IMMP2L: variants seen among roughly 807,000 people sequenced by gnomAD.
The protein encoded by IMMP2L is mitochondrial inner membrane protease subunit 2.
A neutral mutation model predicts 19.3 loss-of-function variants in IMMP2L; 18 were observed. That is an observed-to-expected ratio of 0.93 (90% CI 0.64 to 1.38). The LOEUF (loss-of-function observed/expected upper bound fraction) is 1.38. IMMP2L is among the 40% of genes most tolerant of loss of function. The pLI, the probability that IMMP2L is intolerant of heterozygous loss-of-function variation, is 0.00. For synonymous variants in IMMP2L, 76 were observed against 73.0 expected, an observed-to-expected ratio of 1.04 and a Z score of -0.21; for missense variants, 233 against 218.2, an observed-to-expected ratio of 1.07 and a Z score of -0.43.
At chr7:110,950,860 A>ATATATG (rs1554470806) in intron 4 of IMMP2L, among the ~76,000 whole-genome samples, 7 of 138,810 alleles carry the variant, frequency 5.0e-5, no homozygotes, top group East Asian at 4.0e-4. Context: ...ATATATATAT[A>ATATATG]TATATATATA....
chr7:110,958,546 G>A (rs1457987085), intron 4 of IMMP2L, among the ~76,000 whole-genome samples: 1 of 152,050 alleles, frequency 6.6e-6, no homozygotes, highest in Non-Finnish European at 1.5e-5. Flanking sequence ...GCTGAGCAAA[G>A]TGACTGCTAA....
rs1402927502 is a variant in IMMP2L, at chr7:110,924,963, A to G, written c.306-38268T>C. On this transcript the variant is annotated intron_variant, in intron 4 of 5. Coordinates refer to ENST00000405709, the MANE Select transcript of IMMP2L (RefSeq NM_032549.4). The surrounding 1 kb of genome is among the most constrained non-coding windows in gnomAD (Gnocchi z 4.2). ...GGAGCTATTAAAAACTTTCAACTACATCTAACCATTCATAGTTATGCATGA... is the reference window on the plus strand; with the variant it reads ...GGAGCTATTAAAAACTTTCAACTACGTCTAACCATTCATAGTTATGCATGA... Among the ~76,000 whole-genome samples the G allele has an allele frequency of 6.6e-6, 1 of 152,162 alleles. No individual in the cohort carries two copies. Among genetic ancestry groups the G allele is most frequent in the African/African-American group, 2.4e-5 (1 of 41,444 alleles).
At chr7:111,480,077 G>A (rs1350413104) in intron 3 of IMMP2L, among the ~76,000 whole-genome samples, 1 of 151,354 alleles carries the variant, frequency 6.6e-6, no homozygotes, top group East Asian at 1.9e-4. Flanking sequence ...CTGTCTTAAG[G>A]ATACCAACTT....
At chr7:111,305,876 T>A (rs778420063) in intron 3 of IMMP2L, among the ~76,000 whole-genome samples, 29 of 152,188 alleles carry the variant, frequency 1.9e-4, no homozygotes, top group Admixed American at 6.5e-4. Context: ...ACACAAAAAG[T>A]GGTTGATAAT....
chr7:111,418,318 G>C (rs1023358898), intron 3 of IMMP2L, among the ~76,000 whole-genome samples: 1 of 151,596 alleles, frequency 6.6e-6, no homozygotes, highest in African/African-American at 2.4e-5. Context: ...ATCTGACCCT[G>C]ATGCTAGAAA....
intron 1 of IMMP2L, among the ~76,000 whole-genome samples, chr7:111,561,625 G>C (rs1792067513): frequency 6.6e-6 from 1 of 152,068 alleles, no homozygotes; most frequent in Non-Finnish European, 1.5e-5. Flanking sequence ...GGGCTAAAAG[G>C]GATCCACATG....
intron 5 of IMMP2L, among the ~76,000 whole-genome samples, chr7:110,749,891 T>TATA (rs986928579): frequency 6.6e-6 from 1 of 151,828 alleles, no homozygotes; most frequent in African/African-American, 2.4e-5. Context: ...GAACTTAAAG[T>TATA]ATAATAATAA....
At position 110,727,571 on chromosome 7, in the gene IMMP2L, G is replaced by A. The variant is rs1030491162; in HGVS notation, c.409-63850C>T. 1.3e-5 allele frequency among the ~76,000 whole-genome samples: 2 copies of A among 152,220 alleles called. No homozygotes were observed. The highest frequency in any genetic ancestry group is 4.8e-5 in the African/African-American group (2 of 41,458). ...AACTGATGTTAGCAAATTGAAGGTA[G>A]AGGAGAAGACAAGGTAGGGAAAGAG... On this transcript the variant is annotated intron_variant, in intron 5 of 5. Coordinates refer to ENST00000405709, the MANE Select transcript of IMMP2L (RefSeq NM_032549.4). This position sits in a 1 kb window ranked among gnomAD's most constrained non-coding sequence, Gnocchi z 4.3.
intron 3 of IMMP2L, among the ~76,000 whole-genome samples, chr7:111,225,533 T>C (rs868620955): frequency 3.3e-5 from 5 of 152,028 alleles, no homozygotes; most frequent in African/African-American, 9.7e-5. Context: ...TTCATTGATA[T>C]GGCATCAGAT....
At chr7:111,303,093 C>T (rs1321447549) in intron 3 of IMMP2L, among the ~76,000 whole-genome samples, 3 of 151,884 alleles carry the variant, frequency 2.0e-5, no homozygotes, top group Non-Finnish European at 2.9e-5. Flanking sequence ...CAAAGATACC[C>T]AGGACTCAAA....
intron 5 of IMMP2L, among the ~76,000 whole-genome samples, chr7:110,811,615 T>C (rs1374773647): frequency 6.6e-6 from 1 of 152,116 alleles, no homozygotes; most frequent in Non-Finnish European, 1.5e-5. Context: ...TGAAATAGTC[T>C]GTGTATTTTT....
chr7:110,706,133 T>A (rs187085630), intron 5 of IMMP2L, among the ~76,000 whole-genome samples: 2 of 152,226 alleles, frequency 1.3e-5, no homozygotes, highest in African/African-American at 4.8e-5. Flanking sequence ...GATGGGGTCT[T>A]ACTCTGTCAT....
At chr7:111,482,188 G>C (rs1036409595) in intron 3 of IMMP2L, among the ~76,000 whole-genome samples, 2 of 152,288 alleles carry the variant, frequency 1.3e-5, no homozygotes, top group African/African-American at 4.8e-5. Flanking sequence ...AGACAGTACA[G>C]GCTTAGAGTC....
At chr7:111,429,552 TAA>T (rs111425235) in intron 3 of IMMP2L, among the ~76,000 whole-genome samples, 6 of 147,848 alleles carry the variant, frequency 4.1e-5, no homozygotes, top group African/African-American at 1.5e-4. Context: ...AAGTTAGCTT[TAA>T]AAAAAAAAAT....
chr7:111,149,142 T>C lies in IMMP2L; in HGVS notation c.240-185577A>G, dbSNP rs148149037. 4.2e-3 allele frequency among the ~76,000 whole-genome samples: 637 copies of C among 152,122 alleles called. 3 individuals are homozygous for C. Among genetic ancestry groups the C allele is most frequent in the African/African-American group, 0.015 (617 of 41,516 alleles). ...TCACAAATATACAACACAGAGAAGA[T>C]AAAATAAAACAGAACTAAAACCAAT... On this transcript the variant is annotated intron_variant, in intron 3 of 5. Coordinates refer to ENST00000405709, the MANE Select transcript of IMMP2L (RefSeq NM_032549.4).
intron 3 of IMMP2L, among the ~76,000 whole-genome samples, chr7:111,155,731 A>G (rs1050935408): frequency 6.6e-6 from 1 of 152,082 alleles, no homozygotes; most frequent in Non-Finnish European, 1.5e-5. Flanking sequence ...AAAATAATAT[A>G]TACTTTTAAA....
chr7:111,198,333 G>A lies in IMMP2L; in HGVS notation c.240-234768C>T, dbSNP rs116503328. 2.3e-3 allele frequency among the ~76,000 whole-genome samples: 350 copies of A among 152,124 alleles called. 3 individuals carry two copies. Among genetic ancestry groups the A allele is most frequent in the African/African-American group, 8.1e-3 (335 of 41,500 alleles). On this transcript the variant is annotated intron_variant, in intron 3 of 5. Coordinates refer to ENST00000405709, the MANE Select transcript of IMMP2L (RefSeq NM_032549.4). ...AACAACACAGGTCAGAACGGCTCTCGGTCATATTCCTGGCTCAACTACTCA... is the reference window on the plus strand; with the variant it reads ...AACAACACAGGTCAGAACGGCTCTCAGTCATATTCCTGGCTCAACTACTCA...
At chr7:110,825,285 C>A (rs1447419709) in intron 5 of IMMP2L, among the ~76,000 whole-genome samples, 1 of 152,060 alleles carries the variant, frequency 6.6e-6, no homozygotes, top group East Asian at 1.9e-4. Flanking sequence ...AGATTCCATG[C>A]CATCCCCATC....
chr7:110,934,756 CT>C (rs1426199325), intron 4 of IMMP2L, among the ~76,000 whole-genome samples: 1 of 152,046 alleles, frequency 6.6e-6, no homozygotes, highest in African/African-American at 2.4e-5. Flanking sequence ...ATGTAATGAC[CT>C]TCTTTGTCTT....
Sources: allele counts gnomAD v4.1 joint callset (sites outside exome capture counted in the v4.1 genomes callset), GRCh38; gene constraint gnomAD v4.1.1; non-coding constraint Gnocchi (gnomAD v3.1); transcripts MANE v1.5; gene names NCBI Gene and HGNC (gene_info 2026-07-23, HGNC 2026-07-21).